The following CNTNAP2 variants were observed in gnomAD, a reference collection of about 807,000 sequenced individuals.
The protein encoded by CNTNAP2 is contactin associated protein 2, also known as contactin-associated protein-like 2.
A neutral mutation model predicts 155.2 loss-of-function variants in CNTNAP2; 98 were observed. That is an observed-to-expected ratio of 0.63 (90% CI 0.54 to 0.75). The LOEUF (loss-of-function observed/expected upper bound fraction) is 0.75, where lower values mean the gene tolerates loss of function less well. CNTNAP2 is among the 30% of genes least tolerant of loss of function. The pLI is 0.00. For missense variants in CNTNAP2, 1,727 were observed against 1,688.1 expected (o/e 1.02, Z -0.40); for synonymous variants, 651 against 631.2 (o/e 1.03, Z -0.47).
At chr7:148,307,479 G>A (rs1454248036) in intron 21 of CNTNAP2, among the ~76,000 whole-genome samples, 3 of 152,110 alleles carry the variant, frequency 2.0e-5, no homozygotes, top group Non-Finnish European at 2.9e-5. Context: ...CACTTAAGAT[G>A]GTTCTGCTGT....
At chr7:146,960,036 G>A (rs1177467778) in intron 3 of CNTNAP2, among the ~76,000 whole-genome samples, 1 of 152,054 alleles carries the variant, frequency 6.6e-6, no homozygotes, top group African/African-American at 2.4e-5. Flanking sequence ...ACTCGCAAAT[G>A]TTTTCGTGTC....
At chr7:147,368,963 A>T (rs886242419) in intron 9 of CNTNAP2, among the ~76,000 whole-genome samples, 20 of 152,332 alleles carry the variant, frequency 1.3e-4, no homozygotes, top group Middle Eastern at 3.4e-3. Flanking sequence ...TTAAAATGCA[A>T]AACTTGTGGA....
In CNTNAP2 at chr7:146,725,968, CT is replaced by C. The variant is rs574470660; in HGVS notation, c.98-48302del. Among the ~76,000 whole-genome samples the C allele has an allele frequency of 5.9e-5, 9 of 152,278 alleles. No individual in the cohort carries two copies. The East Asian group carries it at 1.7e-3, about 29-fold the overall frequency. ...AATTAAGCTCTTTATTTCAATTCCC[CT>C]GTCTTGATAAATTGGCTCTATTTGG... On this transcript the variant is annotated intron_variant, in intron 1 of 23. Coordinates refer to ENST00000361727, the MANE Select transcript of CNTNAP2 (RefSeq NM_014141.6).
At chr7:147,263,651 T>G (rs1436452302) in intron 8 of CNTNAP2, among the ~76,000 whole-genome samples, 2 of 152,180 alleles carry the variant, frequency 1.3e-5, no homozygotes, top group Non-Finnish European at 2.9e-5. Context: ...GATTTCAGTG[T>G]CTTTTATCTC....
rs138201793 is a variant in CNTNAP2 at position 147,240,361 on chromosome 7, G to A, written c.1349-59780G>A. Among the ~76,000 whole-genome samples the A allele has an allele frequency of 5.0e-3, 765 of 152,276 alleles. 7 individuals carry two copies. The highest frequency in any genetic ancestry group is 0.017 in the African/African-American group (725 of 41,548). On this transcript the variant is annotated intron_variant, in intron 8 of 23. Transcript: ENST00000361727. ...AAATGCATAGTATTTATTTTATAAT[G>A]TCGTGGCAATGAGCAAATACAGGTA...
At chr7:148,185,121 C>G (rs1268333681) in intron 18 of CNTNAP2, among the ~76,000 whole-genome samples, 1 of 152,138 alleles carries the variant, frequency 6.6e-6, no homozygotes, top group Non-Finnish European at 1.5e-5. Flanking sequence ...AGTGCTCGCC[C>G]GTCTCTCTGT....
chr7:146,931,958 C>T (rs980050615), intron 3 of CNTNAP2, among the ~76,000 whole-genome samples: 1 of 151,602 alleles, frequency 6.6e-6, no homozygotes, highest in Non-Finnish European at 1.5e-5. Flanking sequence ...GCTTACCAAC[C>T]AAAAAGAGTC....
At chr7:147,691,072 G>A (rs1377143630) in intron 13 of CNTNAP2, among the ~76,000 whole-genome samples, 1 of 152,076 alleles carries the variant, frequency 6.6e-6, no homozygotes, top group Non-Finnish European at 1.5e-5. Context: ...GAAGATGAAT[G>A]TCAGAACTTC....
intron 21 of CNTNAP2, among the ~76,000 whole-genome samples, chr7:148,274,602 C>A (rs930594177): frequency 6.6e-6 from 1 of 152,196 alleles, no homozygotes; most frequent in Admixed American, 6.5e-5. Context: ...CACTCTTCCT[C>A]TGGATCCTGC....
At chr7:148,191,264 C>T (rs1795199600) in intron 18 of CNTNAP2, among the ~76,000 whole-genome samples, 1 of 152,126 alleles carries the variant, frequency 6.6e-6, no homozygotes, top group East Asian at 1.9e-4. Context: ...TGCTCTCTCT[C>T]TCTCTCTCTC....
intron 1 of CNTNAP2, among the ~76,000 whole-genome samples, chr7:146,152,451 G>T (rs1437119507): frequency 6.6e-6 from 1 of 152,048 alleles, no homozygotes; most frequent in African/African-American, 2.4e-5. Flanking sequence ...GGGGTCTATT[G>T]TACAACGTGG....
chr7:147,903,732 G>T lies in CNTNAP2; in HGVS notation c.2255+11G>T. On this transcript the variant is annotated intron_variant, in intron 14 of 23. Transcript: ENST00000361727. ...GGACTACAAGCAATGGTGAGTGCCT[G>T]CGGGCAGCACAGCCAGGCTCACCCT... 6.2e-7 allele frequency: 1 copy of T among 1,613,056 alleles called. No individual in the cohort carries two copies. The highest frequency in any genetic ancestry group is 1.1e-5 in the South Asian group (1 of 90,920).
intron 10 of CNTNAP2, among the ~76,000 whole-genome samples, chr7:147,414,869 G>A (rs999220872): frequency 2.8e-4 from 42 of 150,136 alleles, no homozygotes; most frequent in African/African-American, 7.8e-4. Flanking sequence ...TGAACCTTGG[G>A]GGGTGGAGCC....
intron 1 of CNTNAP2, among the ~76,000 whole-genome samples, chr7:146,352,750 G>GTTGTTTTTTTT (rs1554421455): frequency 3.1e-5 from 2 of 64,312 alleles, no homozygotes; most frequent in African/African-American, 1.3e-4. Flanking sequence ...GCATAATTCT[G>GTTGTTTTTTTT]TTTTTTTTTT....
chr7:146,921,098 C>A lies in CNTNAP2; in HGVS notation c.402+81194C>A, dbSNP rs142315460. Among the ~76,000 whole-genome samples, 249 of 152,128 alleles carry A rather than the reference C, an allele frequency of 1.6e-3. 1 individual carries two copies. Among genetic ancestry groups the A allele is most frequent in the African/African-American group, 5.7e-3 (237 of 41,496 alleles). On this transcript the variant is annotated intron_variant, in intron 3 of 23. Transcript: ENST00000361727. ...TAGAAAAGGAAAAATTATAAGAACA[C>A]AAAACAGATCATTGGTTTCCTGGGG...
chr7:147,067,967 C>T (rs1273444891), intron 4 of CNTNAP2, among the ~76,000 whole-genome samples: 1 of 152,198 alleles, frequency 6.6e-6, no homozygotes, highest in South Asian at 2.1e-4. Context: ...CCTAGCCCAT[C>T]GGCGTGTCAG....
intron 21 of CNTNAP2, among the ~76,000 whole-genome samples, chr7:148,333,698 T>G (rs762642941): frequency 1.6e-4 from 25 of 152,286 alleles, no homozygotes; most frequent in Middle Eastern, 6.8e-3. Context: ...GTAGAGACAG[T>G]TGTAAAAATA....
rs576002415 is a variant in CNTNAP2 at position 146,706,520 on chromosome 7, A to T, written c.98-67751A>T. ...TAAATGAATAGTATACCATGCTAAT[A>T]AATTATTCCAAGTGAACAGGCGGCC... is the stretch of plus-strand genomic sequence containing the variant. On this transcript the variant is annotated intron_variant, in intron 1 of 23. Transcript: ENST00000361727. Among the ~76,000 whole-genome samples, 10 of 152,284 alleles carry T rather than the reference A, an allele frequency of 6.6e-5. No individual in the cohort carries two copies. In the East Asian group the frequency reaches 1.7e-3, roughly 26 times the overall value.
At chr7:148,030,218 C>T (rs1802449470) in intron 15 of CNTNAP2, among the ~76,000 whole-genome samples, 1 of 152,170 alleles carries the variant, frequency 6.6e-6, no homozygotes, top group Non-Finnish European at 1.5e-5. Context: ...TTGAATTATT[C>T]TGTGTCATCA....
Sources: allele counts gnomAD v4.1 joint callset (sites outside exome capture counted in the v4.1 genomes callset), GRCh38; gene constraint gnomAD v4.1.1; transcripts MANE v1.5; gene names NCBI Gene and HGNC (gene_info 2026-07-23, HGNC 2026-07-21).